VTI1A: variants seen among roughly 807,000 people sequenced by gnomAD.
VTI1A encodes vesicle transport through interaction with t-SNAREs homolog 1A.
A neutral mutation model predicts 34.9 loss-of-function variants in VTI1A; 22 were observed. The ratio of observed to expected loss-of-function variants is 0.63; its 90% CI spans 0.45 to 0.90. VTI1A has a LOEUF of 0.90. VTI1A is among the 40% of genes least tolerant of loss of function. The probability of loss-of-function intolerance (pLI) is 0.00; values close to 1 mark genes in which losing one functional copy is unlikely to be tolerated. For missense variants in VTI1A, 268 were observed against 275.6 expected, an observed-to-expected ratio of 0.97 and a Z score of 0.20; for synonymous variants, 87 against 97.3, an observed-to-expected ratio of 0.89 and a Z score of 0.62.
chr10:112,468,618 C>A (rs1268833331), intron 3 of VTI1A, among the ~76,000 whole-genome samples: 1 of 152,188 alleles, frequency 6.6e-6, no homozygotes, highest in Middle Eastern at 3.4e-3. Context: ...TTTCCCCAGC[C>A]GTTCCTTCTC....
intron 5 of VTI1A, among the ~76,000 whole-genome samples, chr10:112,655,403 A>C (rs1316454196): frequency 2.0e-5 from 3 of 152,122 alleles, no homozygotes; most frequent in Non-Finnish European, 4.4e-5. Context: ...GGCTCCATGA[A>C]GACCTAGAGA....
chr10:112,528,138 C>A (rs1456175330), intron 4 of VTI1A, among the ~76,000 whole-genome samples: 2 of 152,056 alleles, frequency 1.3e-5, no homozygotes, highest in Admixed American at 6.6e-5. Flanking sequence ...GAACATAAAT[C>A]AGTCACTGAG....
chr10:112,494,341 G>T (rs901150017), intron 3 of VTI1A, among the ~76,000 whole-genome samples: 1 of 151,800 alleles, frequency 6.6e-6, no homozygotes, highest in Non-Finnish European at 1.5e-5. Context: ...ACAACTTTTG[G>T]TTTCTTTTAT....
chr10:112,602,752 A>G (rs1277351877), intron 5 of VTI1A, among the ~76,000 whole-genome samples: 2 of 152,262 alleles, frequency 1.3e-5, no homozygotes, highest in Admixed American at 6.5e-5. Flanking sequence ...AATGTCAAAC[A>G]GTAAAACAGC....
the VTI1A span, among the ~76,000 whole-genome samples, chr10:112,847,481 AC>A: frequency 9.8e-5 from 15 of 152,294 alleles, no homozygotes; most frequent in South Asian, 3.1e-3. Flanking sequence ...AAAGCCAGAA[AC>A]TCAAGCAAGA....
chr10:112,698,201 A>G (rs2133894014), intron 7 of VTI1A, among the ~76,000 whole-genome samples: 1 of 152,306 alleles, frequency 6.6e-6, no homozygotes, highest in Admixed American at 6.5e-5. Context: ...TTTAAAATTG[A>G]AAACAGAAAG....
intron 5 of VTI1A, among the ~76,000 whole-genome samples, chr10:112,582,049 C>G (rs945327824): frequency 2.0e-5 from 3 of 152,172 alleles, no homozygotes; most frequent in African/African-American, 7.2e-5. Context: ...TAACAGAATA[C>G]CACAGGCTGG....
At chr10:112,793,285 T>C (rs10787466) in intron 7 of VTI1A, among the ~76,000 whole-genome samples, 116,716 of 152,060 alleles carry the variant, frequency 0.77, 45,827 homozygotes, top group Non-Finnish European at 0.86. Context: ...TTGTGATCCT[T>C]TGCTGAAAGG....
chr10:112,573,266 A>C (rs1328753223), intron 5 of VTI1A, among the ~76,000 whole-genome samples: 2 of 152,176 alleles, frequency 1.3e-5, no homozygotes, highest in African/African-American at 4.8e-5. Flanking sequence ...CTTGTATGCT[A>C]TCTGCTCTAT....
At chr10:112,723,277 C>T (rs1849876748) in intron 7 of VTI1A, among the ~76,000 whole-genome samples, 1 of 152,190 alleles carries the variant, frequency 6.6e-6, no homozygotes. Context: ...AAAAAGTGCT[C>T]TTCCCTGTAC....
chr10:112,578,323 G>C (rs1843784507), intron 5 of VTI1A, among the ~76,000 whole-genome samples: 2 of 152,218 alleles, frequency 1.3e-5, no homozygotes, highest in Admixed American at 1.3e-4. Flanking sequence ...GAGGTGGGGG[G>C]CAGGGATGAA....
chr10:112,699,270 G>T (rs755607604), intron 7 of VTI1A, among the ~76,000 whole-genome samples: 6 of 152,166 alleles, frequency 3.9e-5, no homozygotes, highest in Non-Finnish European at 8.8e-5. Flanking sequence ...TCCACAGACG[G>T]TGTGGCTTAA....
intron 5 of VTI1A, among the ~76,000 whole-genome samples, chr10:112,610,781 C>T (rs933697328): frequency 6.6e-6 from 1 of 152,082 alleles, no homozygotes; most frequent in Non-Finnish European, 1.5e-5. Context: ...TAGCCAGGCG[C>T]GGTGGCGGGC....
At chr10:112,530,734 A>T (rs575083401) in intron 4 of VTI1A, among the ~76,000 whole-genome samples, 1 of 152,284 alleles carries the variant, frequency 6.6e-6, no homozygotes, top group East Asian at 1.9e-4. Context: ...TGCTGTGCAT[A>T]AAGTGTGTCA....
chr10:112,667,951 C>G (rs575866210), intron 5 of VTI1A, among the ~76,000 whole-genome samples: 1 of 152,244 alleles, frequency 6.6e-6, no homozygotes, highest in South Asian at 2.1e-4. Flanking sequence ...CTGATATTTG[C>G]TGGAGTGGCC....
intron 7 of VTI1A, among the ~76,000 whole-genome samples, chr10:112,698,304 G>A (rs955907589): frequency 5.9e-5 from 9 of 152,076 alleles, no homozygotes; most frequent in East Asian, 3.9e-4. Flanking sequence ...TGCATCTTCC[G>A]AACACTGCAT....
At chr10:112,763,470 T>C (rs145094567) in intron 7 of VTI1A, among the ~76,000 whole-genome samples, 1 of 151,910 alleles carries the variant, frequency 6.6e-6, no homozygotes, top group South Asian at 2.1e-4. Flanking sequence ...CACTGGCCTT[T>C]GTTACAAGTC....
chr10:112,765,523 A>G (rs1851618933), intron 7 of VTI1A, among the ~76,000 whole-genome samples: 1 of 152,126 alleles, frequency 6.6e-6, no homozygotes, highest in Non-Finnish European at 1.5e-5. Flanking sequence ...TTTTCCTTTT[A>G]AGCATTACAT....
intron 7 of VTI1A, among the ~76,000 whole-genome samples, chr10:112,802,629 C>T (rs941361191): frequency 3.9e-5 from 6 of 152,126 alleles, no homozygotes; most frequent in Non-Finnish European, 8.8e-5. Flanking sequence ...TTGCTGCAGC[C>T]GCATTCTCTA....
Sources: allele counts gnomAD v4.1 joint callset (sites outside exome capture counted in the v4.1 genomes callset), GRCh38; gene constraint gnomAD v4.1.1; transcripts MANE v1.5; gene names NCBI Gene and HGNC (gene_info 2026-07-23, HGNC 2026-07-21).